SEMA5A: variants seen among roughly 807,000 people sequenced by gnomAD.
SEMA5A encodes semaphorin 5A, also known as semaphorin-5A.
In SEMA5A, 55 loss-of-function variants were observed where a neutral mutation model predicts 135.5. The observed-to-expected ratio is 0.41, with a 90% CI of 0.33 to 0.51. SEMA5A has a LOEUF of 0.51. Among genes scored for constraint, SEMA5A ranks in the 20% least tolerant of loss-of-function variants. SEMA5A has a pLI of 0.37. For synonymous variants in SEMA5A, 580 were observed against 546.5 expected (o/e 1.06, Z -0.85); for missense variants, 1,290 against 1,419.9 (o/e 0.91, Z 1.47).
chr5:9,323,817 A>T (rs1248458584), intron 4 of SEMA5A, among the ~76,000 whole-genome samples: 1 of 151,100 alleles, frequency 6.6e-6, no homozygotes, highest in Non-Finnish European at 1.5e-5. Context: ...ACATGCCACC[A>T]CGCCTGACTA....
intron 18 of SEMA5A, among the ~76,000 whole-genome samples, chr5:9,058,070 G>A (rs1214544223): frequency 1.3e-5 from 2 of 152,186 alleles, no homozygotes; most frequent in African/African-American, 4.8e-5. Flanking sequence ...AGCCACTGTG[G>A]AAGGCACAGC....
chr5:9,374,030 T>C (rs1755251823), intron 3 of SEMA5A, among the ~76,000 whole-genome samples: 2 of 152,356 alleles, frequency 1.3e-5, no homozygotes, highest in South Asian at 4.1e-4. Context: ...GGTCACTATT[T>C]TTCCCCTCTT....
rs1042021558 is a variant in SEMA5A at position 9,042,173 on chromosome 5, T to C, written c.*724A>G. ...TCCAAAAGTCAGAATAAGGTGAGTT[T>C]TGCAGCAACCTGCAGAACACATCCA... On this transcript the variant is annotated 3_prime_UTR_variant, in exon 23 of 23. Transcript: ENST00000382496. 1.3e-5 allele frequency: 2 copies of C among 152,362 alleles called. No homozygotes were observed. The highest frequency in any genetic ancestry group is 6.5e-5 in the Admixed American group (1 of 15,284). 9.4% of individuals were successfully genotyped at this position (152,362 alleles called of 1,614,324 possible).
intron 4 of SEMA5A, among the ~76,000 whole-genome samples, chr5:9,327,308 C>T (rs937095015): frequency 2.0e-5 from 3 of 152,174 alleles, no homozygotes; most frequent in East Asian, 1.9e-4. Flanking sequence ...ATGTATTCTT[C>T]GGGCTATGCA....
At chr5:9,263,823 T>G (rs1749533577) in intron 5 of SEMA5A, among the ~76,000 whole-genome samples, 2 of 152,330 alleles carry the variant, frequency 1.3e-5, no homozygotes, top group Non-Finnish European at 2.9e-5. Context: ...GGCTGAGTTT[T>G]CCCTGTGTCT....
rs565074330 is a variant in SEMA5A, at chr5:9,396,465, C to T, written c.-77-16442G>A. On this transcript the variant is annotated intron_variant, in intron 2 of 22. Transcript: ENST00000382496. ...CTGGCCCTCCTAGGGCTAGCATATTCGTAAAGACAGCAAACAACACCCCAG... is the reference window on the plus strand; with the variant it reads ...CTGGCCCTCCTAGGGCTAGCATATTTGTAAAGACAGCAAACAACACCCCAG... Among the ~76,000 whole-genome samples, 3 of 152,198 alleles carry T rather than the reference C, an allele frequency of 2.0e-5. No individual in the cohort carries two copies. In the South Asian group the frequency reaches 6.2e-4, roughly 32 times the overall value.
Position 9,290,546 on chromosome 5 carries a change from C to G in SEMA5A, c.270+27826G>C, listed in dbSNP as rs76878976. Among the ~76,000 whole-genome samples the G allele has an allele frequency of 3.4e-3, 510 of 152,130 alleles. 1 individual carries two copies. The highest frequency in any genetic ancestry group is 0.012 in the African/African-American group (492 of 41,494). On this transcript the variant is annotated intron_variant, in intron 5 of 22. Transcript: ENST00000382496. The stretch of plus-strand genomic sequence containing the variant: ...AATTACGGTCTCATTAATTGTGAAA[C>G]AAGACAATTTCTTTTCTACAGGTAC...
chr5:9,186,720 T>C (rs987520306), intron 11 of SEMA5A, among the ~76,000 whole-genome samples: 1 of 152,250 alleles, frequency 6.6e-6, no homozygotes, highest in African/African-American at 2.4e-5. Context: ...ATTAGATATA[T>C]ATATTTTCAA....
chr5:9,444,055 G>A (rs971846142), intron 1 of SEMA5A, among the ~76,000 whole-genome samples: 7 of 152,178 alleles, frequency 4.6e-5, no homozygotes, highest in Non-Finnish European at 7.3e-5. Flanking sequence ...CCAAATATGA[G>A]ATTGCTGGCC....
At chr5:9,385,965 C>A (rs572587284) in intron 2 of SEMA5A, among the ~76,000 whole-genome samples, 1 of 151,978 alleles carries the variant, frequency 6.6e-6, no homozygotes, top group South Asian at 2.1e-4. Flanking sequence ...CCACACCTGG[C>A]TAATTTTTGT....
At chr5:9,356,865 G>A (rs1183728365) in intron 3 of SEMA5A, among the ~76,000 whole-genome samples, 4 of 152,122 alleles carry the variant, frequency 2.6e-5, no homozygotes, top group Admixed American at 6.5e-5. Flanking sequence ...GGATTCCACC[G>A]TGTTGCTAGC....
intron 1 of SEMA5A, among the ~76,000 whole-genome samples, chr5:9,469,408 G>A (rs931110663): frequency 1.3e-5 from 2 of 152,174 alleles, no homozygotes; most frequent in African/African-American, 4.8e-5. Flanking sequence ...GTGAGAGAGG[G>A]CTACCAGAAA....
In SEMA5A at chr5:9,044,514, G is replaced by A. The variant is rs764544931; in HGVS notation, c.2964C>T (p.Leu988=). Reference sequence around the variant, plus strand: ...GGTACCGCTGGCAGTAAGTATAGACGAGCAGGGTGAGGAGGCAGCCGAGGA... The same window carrying A: ...GGTACCGCTGGCAGTAAGTATAGACAAGCAGGGTGAGGAGGCAGCCGAGGA... The part of the protein sequence containing the change: ...SSILGCLLTL[L]VYTYCQRYQQ... Residue 988 remains leucine (L), a synonymous_variant, in exon 22 of 23, where the codon CTC becomes CTT. Coordinates refer to ENST00000382496, the MANE Select transcript of SEMA5A (RefSeq NM_003966.3). 9.9e-6 allele frequency: 16 copies of A among 1,613,922 alleles called. No individual in the cohort carries two copies. Among genetic ancestry groups the A allele is most frequent in the African/African-American group, 8.0e-5 (6 of 74,902 alleles).
intron 16 of SEMA5A, among the ~76,000 whole-genome samples, chr5:9,096,858 T>C (rs527944065): frequency 6.6e-6 from 1 of 152,122 alleles, no homozygotes; most frequent in East Asian, 1.9e-4. Flanking sequence ...ACATCACTGG[T>C]CATCAGGAAA....
At chr5:9,400,897 A>T (rs903286116) in intron 2 of SEMA5A, among the ~76,000 whole-genome samples, 9 of 152,152 alleles carry the variant, frequency 5.9e-5, no homozygotes, top group Non-Finnish European at 1.0e-4. Context: ...TATAATTTAC[A>T]TTACCTAGAA....
chr5:9,412,489 G>GTT (rs1757134428), intron 2 of SEMA5A, among the ~76,000 whole-genome samples: 2 of 50,578 alleles, frequency 4.0e-5, no homozygotes, highest in African/African-American at 1.5e-4. Context: ...CTACTTCATT[G>GTT]CTTTTTTTTT....
At chr5:9,445,576 G>A (rs926282145) in intron 1 of SEMA5A, among the ~76,000 whole-genome samples, 1 of 152,098 alleles carries the variant, frequency 6.6e-6, no homozygotes, top group African/African-American at 2.4e-5. Context: ...GGCTGAGGCA[G>A]GAGAATGGCG....
intron 18 of SEMA5A, among the ~76,000 whole-genome samples, chr5:9,056,400 G>A (rs896869815): frequency 1.3e-5 from 2 of 152,132 alleles, no homozygotes; most frequent in African/African-American, 2.4e-5. Context: ...CAGCTGCCTC[G>A]GAAAACAATG....
chr5:9,066,775 A>G, intron 16 of SEMA5A, 129 bp from the exon 17 acceptor site: 2 of 708,872 alleles, frequency 2.8e-6, no homozygotes, highest in Non-Finnish European at 4.7e-6. Flanking sequence ...CAGCTACTCT[A>G]CCAAACTAAA....
Sources: gnomAD v4.1 joint callset for allele counts (sites outside exome capture counted in the v4.1 genomes callset) on GRCh38, gnomAD v4.1.1 for gene constraint, MANE v1.5 for transcripts, NCBI Gene and HGNC (gene_info 2026-07-23, HGNC 2026-07-21) for gene names.